Variants in PEX13 observed in about 807,000 individuals in gnomAD.
The protein encoded by PEX13 is peroxisomal biogenesis factor 13.
PEX13 carries 28 observed loss-of-function variants against 34.5 expected under a neutral mutation model. That is an observed-to-expected ratio of 0.81 (90% CI 0.60 to 1.11). The LOEUF (loss-of-function observed/expected upper bound fraction) is 1.11. Ranked by LOEUF, PEX13 falls within the 50% of genes most tolerant of loss-of-function variation. The probability of loss-of-function intolerance (pLI) is 0.00; values close to 1 mark genes in which losing one functional copy is unlikely to be tolerated. For missense variants in PEX13, 550 were observed against 491.0 expected, an observed-to-expected ratio of 1.12 and a Z score of -1.13; for synonymous variants, 177 against 175.1, an observed-to-expected ratio of 1.01 and a Z score of -0.09.
chr2:61,018,021 AGT>A (rs1334077134), intron 1 of PEX13, 170 bp downstream of exon 1: 1 of 1,385,140 alleles, frequency 7.2e-7, no homozygotes, highest in Non-Finnish European at 9.7e-7. Flanking sequence ...TGGGGACTTT[AGT>A]GTCTCACAGC....
In PEX13 at chr2:61,031,109, G is replaced by T. The variant is rs566799289; in HGVS notation, c.93-310G>T. 2.6e-5 allele frequency among the ~76,000 whole-genome samples: 4 copies of T among 152,290 alleles called. No individual in the cohort carries two copies. The East Asian group carries it at 5.8e-4, about 22-fold the overall frequency. ...GTTTGAGACCAGCCTGGGAAACATG[G>T]TGAAACCCCATCTCTACAAAAAATA... On this transcript the variant is annotated intron_variant, in intron 1 of 3. Coordinates refer to ENST00000295030, the MANE Select transcript of PEX13 (RefSeq NM_002618.4).
intron 1 of PEX13, among the ~76,000 whole-genome samples, chr2:61,025,096 TCTCA>T (rs1288052850): frequency 2.0e-5 from 3 of 152,098 alleles, no homozygotes; most frequent in African/African-American, 7.2e-5. Flanking sequence ...TTTGAGACAG[TCTCA>T]CTCTGTTGCC....
rs1273187606 is a variant in PEX13 at position 61,031,954 on chromosome 2, C to T, written c.628C>T (p.Leu210Phe). 6.2e-7 allele frequency: 1 copy of T among 1,614,154 alleles called. No homozygotes were observed. The highest frequency in any genetic ancestry group is 8.5e-7 in the Non-Finnish European group (1 of 1,179,998). Residue 210 changes from leucine to phenylalanine, a missense_variant, in exon 2 of 4, where the codon CTC (leucine) becomes TTC (phenylalanine). Coordinates refer to ENST00000295030, the MANE Select transcript of PEX13 (RefSeq NM_002618.4). ...GLRRGSENED[L>F]WAESEGTVAC... Reference sequence around the variant, plus strand: ...AAGAAGAGGCTCTGAGAATGAAGACCTCTGGGCAGAGAGTGAAGGAACTGT... The same window carrying T: ...AAGAAGAGGCTCTGAGAATGAAGACTTCTGGGCAGAGAGTGAAGGAACTGT...
Position 61,031,541 on chromosome 2 carries a change from G to T in PEX13, c.215G>T (p.Arg72Ile). 6.2e-7 allele frequency: 1 copy of T among 1,614,124 alleles called. No homozygotes were observed. Among genetic ancestry groups the T allele is most frequent in the Non-Finnish European group, 8.5e-7 (1 of 1,179,988 alleles). The change falls in exon 2 of 4, where the codon AGA becomes ATA. Residue 72 changes from arginine (R) to isoleucine (I), a missense_variant. Physicochemically the swap from Arg to Ile is moderately conservative, Grantham distance 97 (BLOSUM62 -3). Transcript: ENST00000295030. ...QTGSSSVNTF[R>I]PAYSSFSSGY... is the part of the protein sequence containing the mutation. Reference sequence around the variant, plus strand: ...GGAAGTAGCAGTGTGAACACTTTTAGACCTGCTTACAGTTCATTTTCTTCT... The same window carrying T: ...GGAAGTAGCAGTGTGAACACTTTTATACCTGCTTACAGTTCATTTTCTTCT...
chr2:61,021,958 G>T (rs1239224471), intron 1 of PEX13, among the ~76,000 whole-genome samples: 1 of 152,176 alleles, frequency 6.6e-6, no homozygotes, highest in Non-Finnish European at 1.5e-5. Flanking sequence ...AGGAAAACTA[G>T]TAGACAGAAA....
chr2:61,033,578 A>T (rs1680487110), intron 2 of PEX13, among the ~76,000 whole-genome samples: 1 of 152,198 alleles, frequency 6.6e-6, no homozygotes, highest in South Asian at 2.1e-4. Context: ...ATAAATAAGT[A>T]AAATATATAG....
At chr2:61,033,396 C>A (rs1680484727) in intron 2 of PEX13, among the ~76,000 whole-genome samples, 1 of 151,934 alleles carries the variant, frequency 6.6e-6, no homozygotes, top group South Asian at 2.1e-4. Flanking sequence ...ATCAAAATGC[C>A]CTAGACCTTT....
chr2:61,032,260 A>G (rs1174174923), intron 2 of PEX13, 147 bp downstream of exon 2: 9 of 661,546 alleles, frequency 1.4e-5, no homozygotes, highest in Non-Finnish European at 2.1e-5. Flanking sequence ...GCAGAGGAAT[A>G]TATAGCAAAA....
intron 3 of PEX13, among the ~76,000 whole-genome samples, chr2:61,047,158 CT>C (rs1166946757): frequency 6.8e-5 from 10 of 148,044 alleles, no homozygotes; most frequent in South Asian, 2.1e-4. Flanking sequence ...ATTTTTCTTT[CT>C]TTTTTTTTTG....
chr2:61,024,002 G>A (rs891323550), intron 1 of PEX13, among the ~76,000 whole-genome samples: 1 of 151,884 alleles, frequency 6.6e-6, no homozygotes, highest in African/African-American at 2.4e-5. Context: ...TTACCATGTT[G>A]CCAAGGCCGA....
chr2:61,041,630 A>T (rs1470161353), intron 2 of PEX13, among the ~76,000 whole-genome samples: 1 of 152,174 alleles, frequency 6.6e-6, no homozygotes, highest in Non-Finnish European at 1.5e-5. Flanking sequence ...AAGTCAGAAG[A>T]TGTGGAAAAA....
chr2:61,033,973 GT>G (rs70959890), intron 2 of PEX13, among the ~76,000 whole-genome samples: 93,542 of 150,574 alleles, frequency 0.62, 30,775 homozygotes, highest in African/African-American at 0.85. Context: ...TGACTTAGGT[GT>G]TTTTTTTTGT....
At chr2:61,039,308 C>G (rs558467820) in intron 2 of PEX13, among the ~76,000 whole-genome samples, 2 of 152,234 alleles carry the variant, frequency 1.3e-5, no homozygotes, top group African/African-American at 2.4e-5. Context: ...GCAAAAAGAA[C>G]AAAGCTGGAG....
intron 1 of PEX13, among the ~76,000 whole-genome samples, chr2:61,027,630 T>G (rs1680382306): frequency 6.6e-6 from 1 of 152,248 alleles, no homozygotes. Context: ...AGCCTGCATC[T>G]TGGCTGTCAC....
intron 2 of PEX13, among the ~76,000 whole-genome samples, chr2:61,035,611 T>C (rs1680522307): frequency 6.6e-6 from 1 of 151,452 alleles, no homozygotes; most frequent in African/African-American, 2.4e-5. Flanking sequence ...GAATAAAGAG[T>C]GTACAGAAGA....
rs1573560779 is a variant in PEX13 at position 61,045,930 on chromosome 2, A to T, written c.913+79A>T. 6.8e-6 allele frequency: 8 copies of T among 1,173,692 alleles called. 1 individual carries two copies. The highest frequency in any genetic ancestry group is 4.9e-5 in the South Asian group (4 of 81,718). The allele number at this position is 1,173,692 out of a possible 1,614,324, so 72.7% of individuals were successfully genotyped here. A position where few individuals can be genotyped will look rare whatever the true frequency, so the allele number is the denominator to read the frequency against. ...GCAGTATTAAAAACTACAACAAAGG[A>T]TCTTGTTCATTGTTAGTTAACTTAG... is the stretch of plus-strand genomic sequence containing the variant. On this transcript the variant is annotated intron_variant, in intron 3 of 3. Transcript: ENST00000295030.
At chr2:61,017,967 A>G in intron 1 of PEX13, 116 bp downstream of exon 1, 1 of 1,331,170 alleles carries the variant, frequency 7.5e-7, no homozygotes, top group South Asian at 1.4e-5. Context: ...ACCAATACCC[A>G]ACCTTGGGGA....
rs1417473373 is a variant in PEX13 at position 61,051,401 on chromosome 2, AAGTGATAAAAT to A, written c.*2637_*2647del. The A allele has an allele frequency of 1.3e-5, 2 of 152,348 alleles. No homozygotes were observed. Among genetic ancestry groups the A allele is most frequent in the Non-Finnish European group, 2.9e-5 (2 of 68,022 alleles). The allele number at this position is 152,348 out of a possible 1,614,324, so 9.4% of individuals were successfully genotyped here. On this transcript the variant is annotated 3_prime_UTR_variant, in exon 4 of 4. Coordinates refer to ENST00000295030, the MANE Select transcript of PEX13 (RefSeq NM_002618.4). ...TGTATAGGGAGAAGAGTACAGCACA[AAGTGATAAAAT>A]AGTGACACTTTTGTAGGGGTGTTTA... is the stretch of plus-strand genomic sequence containing the variant.
intron 1 of PEX13, 104 bp from the exon 2 acceptor site, chr2:61,031,315 T>G (rs1680445182): frequency 1.2e-6 from 1 of 838,412 alleles, no homozygotes; most frequent in Admixed American, 2.0e-5. Context: ...CAGTCTTCAG[T>G]AGAATTTGTC....
Sources: allele counts gnomAD v4.1 joint callset (sites outside exome capture counted in the v4.1 genomes callset), GRCh38; gene constraint gnomAD v4.1.1; transcripts MANE v1.5; gene names NCBI Gene and HGNC (gene_info 2026-07-23, HGNC 2026-07-21).